Variants in NTM observed in about 807,000 individuals in gnomAD.
The protein encoded by NTM is IgLON family member 2.
In NTM, 13 loss-of-function variants were observed where a neutral mutation model predicts 42.1. The observed-to-expected ratio is 0.31, with a 90% confidence interval of 0.20 to 0.49. The LOEUF (loss-of-function observed/expected upper bound fraction) is 0.49. Ranked by LOEUF, NTM falls within the 20% of genes least tolerant of loss-of-function variation. The pLI is 0.99. For synonymous variants in NTM, 187 were observed against 179.2 expected, an observed-to-expected ratio of 1.04 and a Z score of -0.35; for missense variants, 373 against 452.8, an observed-to-expected ratio of 0.82 and a Z score of 1.60.
chr11:131,968,184 C>T (rs567465316), intron 2 of NTM, among the ~76,000 whole-genome samples: 1 of 152,250 alleles, frequency 6.6e-6, no homozygotes, highest in African/African-American at 2.4e-5. Flanking sequence ...ACATATTTTA[C>T]TGGGAAATAA....
intron 1 of NTM, among the ~76,000 whole-genome samples, chr11:131,562,456 CA>C (rs1211173125): frequency 6.6e-6 from 1 of 152,060 alleles, no homozygotes; most frequent in African/African-American, 2.4e-5. Context: ...TGGTATTTGT[CA>C]GTTGCTAAGC....
chr11:131,607,628 T>C (rs1014028287), intron 1 of NTM, among the ~76,000 whole-genome samples: 2 of 152,166 alleles, frequency 1.3e-5, no homozygotes, highest in Non-Finnish European at 2.9e-5. Context: ...TAATGAACAC[T>C]AGTTGCAAAA....
At chr11:132,018,924 T>A (rs1465025010) in intron 2 of NTM, among the ~76,000 whole-genome samples, 1 of 152,040 alleles carries the variant, frequency 6.6e-6, no homozygotes, top group African/African-American at 2.4e-5. Flanking sequence ...CTACTTCTTC[T>A]GGAGTCATTT....
At chr11:132,216,132 A>G (rs901181523) in intron 4 of NTM, among the ~76,000 whole-genome samples, 4 of 152,224 alleles carry the variant, frequency 2.6e-5, no homozygotes, top group Non-Finnish European at 2.9e-5. Flanking sequence ...TCTGTCTCCA[A>G]TAGAAAAACG....
intron 3 of NTM, among the ~76,000 whole-genome samples, chr11:132,191,467 C>T (rs2079316699): frequency 6.6e-6 from 1 of 152,154 alleles, no homozygotes; most frequent in Non-Finnish European, 1.5e-5. Context: ...TTGACTATAC[C>T]CAGCTTGCAT....
chr11:132,025,160 T>A lies in NTM; in HGVS notation c.167+113512T>A, dbSNP rs1315532651. On this transcript the variant is annotated intron_variant, in intron 2 of 8. Coordinates refer to ENST00000683400, the MANE Select transcript of NTM (RefSeq NM_001352005.2). ...GGGTAGCAGGAAAGATTGAGCAAGA[T>A]GTTTCATGTCCAGGCCTAGGACTGG... 2.0e-5 allele frequency among the ~76,000 whole-genome samples: 3 copies of A among 152,088 alleles called. No homozygotes were observed. The East Asian group carries it at 5.8e-4, about 29-fold the overall frequency.
At chr11:131,844,755 T>A (rs1191097748) in intron 1 of NTM, among the ~76,000 whole-genome samples, 1 of 152,202 alleles carries the variant, frequency 6.6e-6, no homozygotes, top group Non-Finnish European at 1.5e-5. Context: ...TTTTAATTAA[T>A]CTTTGTTTTT....
At chr11:131,628,708 C>T (rs1034063907) in intron 1 of NTM, among the ~76,000 whole-genome samples, 1 of 152,226 alleles carries the variant, frequency 6.6e-6, no homozygotes, top group South Asian at 2.1e-4. Context: ...GTGGTGCCTC[C>T]AGACCAAGGG....
intron 1 of NTM, among the ~76,000 whole-genome samples, chr11:131,372,680 C>T (rs996095438): frequency 2.6e-5 from 4 of 152,082 alleles, no homozygotes; most frequent in Non-Finnish European, 2.9e-5. Flanking sequence ...GTCTCTTCTG[C>T]CTGTAACATC....
chr11:131,691,374 G>A (rs185354764), intron 1 of NTM, among the ~76,000 whole-genome samples: 45 of 152,296 alleles, frequency 3.0e-4, no homozygotes, highest in African/African-American at 9.1e-4. Context: ...CTTCTTCGGC[G>A]GCCGCTCCTT....
intron 2 of NTM, among the ~76,000 whole-genome samples, chr11:132,071,568 A>T (rs11222900): frequency 1.3e-5 from 2 of 152,152 alleles, no homozygotes; most frequent in African/African-American, 2.4e-5. Context: ...ATGAAAATAC[A>T]TTAGCCATGA....
chr11:131,763,739 AT>A (rs1306826605), intron 1 of NTM, among the ~76,000 whole-genome samples: 1 of 42,692 alleles, frequency 2.3e-5, no homozygotes, highest in Admixed American at 3.7e-4. Context: ...TTTTTTTGGC[AT>A]TGCTTAATGA....
At position 131,961,732 on chromosome 11, in the gene NTM, T is replaced by A. The variant is rs112864156; in HGVS notation, c.167+50084T>A. 4.5e-3 allele frequency among the ~76,000 whole-genome samples: 688 copies of A among 151,746 alleles called. 9 individuals are homozygous for A. Among genetic ancestry groups the A allele is most frequent in the African/African-American group, 0.015 (638 of 41,364 alleles). Reference sequence around the variant, plus strand: ...CAGCATCAATAGCCCTGAGAGGGGGTCAAAAGTCAGACTGAGTGAGTGAGT... The same window carrying A: ...CAGCATCAATAGCCCTGAGAGGGGGACAAAAGTCAGACTGAGTGAGTGAGT... On this transcript the variant is annotated intron_variant, in intron 2 of 8. Transcript: ENST00000683400.
intron 7 of NTM, among the ~76,000 whole-genome samples, chr11:132,329,016 G>T (rs2095744831): frequency 6.6e-6 from 1 of 152,172 alleles, no homozygotes; most frequent in South Asian, 2.1e-4. Flanking sequence ...TGGCTTCTCA[G>T]GGCCGCTAAT....
At chr11:131,865,954 A>G (rs2047129972) in intron 1 of NTM, among the ~76,000 whole-genome samples, 5 of 146,900 alleles carry the variant, frequency 3.4e-5, no homozygotes, top group Admixed American at 6.7e-5. Flanking sequence ...CATGCTACAT[A>G]CACACATGCT....
chr11:131,445,076 T>A (rs76080021), intron 1 of NTM, among the ~76,000 whole-genome samples: 5,177 of 152,320 alleles, frequency 0.034, 324 homozygotes, highest in African/African-American at 0.12. Flanking sequence ...ACATCAATTA[T>A]TAATCTATCC....
intron 2 of NTM, among the ~76,000 whole-genome samples, chr11:131,915,828 C>G (rs912486247): frequency 6.6e-6 from 1 of 152,180 alleles, no homozygotes; most frequent in Non-Finnish European, 1.5e-5. Context: ...TTCACTACCA[C>G]CAGAGCAGTA....
At chr11:131,557,342 G>A (rs2055581033) in intron 1 of NTM, among the ~76,000 whole-genome samples, 1 of 152,124 alleles carries the variant, frequency 6.6e-6, no homozygotes, top group Non-Finnish European at 1.5e-5. Context: ...CCTGATCATT[G>A]ACGCCCCGAC....
In NTM at chr11:131,431,882, C is replaced by T. The variant is rs562256521; in HGVS notation, c.82+60994C>T. On this transcript the variant is annotated intron_variant, in intron 1 of 8. Transcript: ENST00000683400. ...TCCAGCAAAGAATCCCACTCCCTAC[C>T]CCTCCCCATCAGACACTCCCCCACA... Among the ~76,000 whole-genome samples the T allele has an allele frequency of 8.0e-4, 122 of 152,218 alleles. No homozygotes were observed. The South Asian group carries it at 9.6e-3, about 12-fold the overall frequency.
Sources: gnomAD v4.1 joint callset for allele counts (sites outside exome capture counted in the v4.1 genomes callset) on GRCh38, gnomAD v4.1.1 for gene constraint, MANE v1.5 for transcripts, NCBI Gene and HGNC (gene_info 2026-07-23, HGNC 2026-07-21) for gene names.